ABCA1: variants seen among roughly 807,000 people sequenced by gnomAD.
ABCA1 encodes the protein phospholipid-transporting ATPase ABCA1.
In ABCA1, 133 loss-of-function variants were observed where a neutral mutation model predicts 262.5. That is an observed-to-expected ratio of 0.51 (90% CI 0.44 to 0.59). ABCA1 has a LOEUF of 0.59. Among genes scored for constraint, ABCA1 ranks in the 20% least tolerant of loss-of-function variants. ABCA1 has a pLI of 0.00. For synonymous variants in ABCA1, 1,022 were observed against 1,043.5 expected, an observed-to-expected ratio of 0.98 and a Z score of 0.40; for missense variants, 2,452 against 2,777.5, an observed-to-expected ratio of 0.88 and a Z score of 2.63.
intron 1 of ABCA1, among the ~76,000 whole-genome samples, chr9:104,922,538 A>G (rs933596635): frequency 6.6e-6 from 1 of 152,138 alleles, no homozygotes; most frequent in African/African-American, 2.4e-5. Flanking sequence ...CACCTATTTC[A>G]CTCATGAGAA....
intron 7 of ABCA1, among the ~76,000 whole-genome samples, chr9:104,851,799 A>G (rs1429630978): frequency 1.3e-5 from 2 of 152,262 alleles, no homozygotes; most frequent in Non-Finnish European, 2.9e-5. Flanking sequence ...ATTAGGGCTC[A>G]GTAAATGTTT....
chr9:104,837,902 T>C (rs936169956), intron 9 of ABCA1, among the ~76,000 whole-genome samples: 3 of 152,148 alleles, frequency 2.0e-5, no homozygotes, highest in African/African-American at 7.2e-5. Flanking sequence ...GCACAAGCCC[T>C]CCCATCCAGA....
chr9:104,819,468 A>T (rs2254884), intron 22 of ABCA1, 118 bp downstream of exon 22: 10 of 1,420,388 alleles, frequency 7.0e-6, no homozygotes, highest in Non-Finnish European at 8.9e-6. Flanking sequence ...CTCTTCTGTG[A>T]TAACAGAAGA....
intron 7 of ABCA1, among the ~76,000 whole-genome samples, chr9:104,847,919 G>A (rs1588394155): frequency 6.6e-6 from 1 of 152,118 alleles, no homozygotes; most frequent in East Asian, 1.9e-4. Context: ...ATGTCTATAT[G>A]TATAGACATA....
At chr9:104,866,472 C>T (rs760113366) in intron 5 of ABCA1, among the ~76,000 whole-genome samples, 1 of 151,702 alleles carries the variant, frequency 6.6e-6, no homozygotes, top group Non-Finnish European at 1.5e-5. Flanking sequence ...AGGTGGCCAG[C>T]CCTTTTTTGT....
At chr9:104,801,354 G>A (rs1830319478) in intron 34 of ABCA1, among the ~76,000 whole-genome samples, 1 of 151,696 alleles carries the variant, frequency 6.6e-6, no homozygotes, top group Non-Finnish European at 1.5e-5. Context: ...CGAGTAGCTG[G>A]GATTACAGGC....
chr9:104,862,701 G>GCCCCCCCCCCCCCCCC (rs1276134045), intron 5 of ABCA1, among the ~76,000 whole-genome samples: 1 of 1,816 alleles, frequency 5.5e-4, no homozygotes, highest in Non-Finnish European at 1.1e-3. Context: ...GGCCGGGCCG[G>GCCCCCCCCCCCCCCCC]CCCCCACCCC....
chr9:104,920,231 T>C (rs1047068950), intron 1 of ABCA1, among the ~76,000 whole-genome samples: 4 of 152,236 alleles, frequency 2.6e-5, no homozygotes, highest in African/African-American at 9.6e-5. Context: ...AGCCCATGTG[T>C]ATTTTTTCTG....
At chr9:104,814,401 G>T in intron 26 of ABCA1, 26 bp downstream of exon 26, 1 of 1,612,956 alleles carries the variant, frequency 6.2e-7, no homozygotes. Context: ...TATCTTAAGT[G>T]TGCCATTCTC....
At chr9:104,830,163 A>G (rs1304628119) in intron 14 of ABCA1, among the ~76,000 whole-genome samples, 1 of 152,210 alleles carries the variant, frequency 6.6e-6, no homozygotes, top group Non-Finnish European at 1.5e-5. Flanking sequence ...GCACTGAAAG[A>G]TTTTCTAAAA....
chr9:104,885,312 A>G (rs1839066658), intron 3 of ABCA1, among the ~76,000 whole-genome samples: 1 of 152,194 alleles, frequency 6.6e-6, no homozygotes. Context: ...CGTGACTGGG[A>G]GTAGAACCCC....
At chr9:104,840,775 C>T (rs765482300) in intron 8 of ABCA1, among the ~76,000 whole-genome samples, 9 of 152,134 alleles carry the variant, frequency 5.9e-5, no homozygotes, top group Non-Finnish European at 8.8e-5. Context: ...TTCTGAGACC[C>T]CTCTGCCGAC....
At chr9:104,820,149 G>C (rs1275521372) in intron 20 of ABCA1, 80 bp from the exon 21 acceptor site, 2 of 1,546,802 alleles carry the variant, frequency 1.3e-6, no homozygotes, top group Admixed American at 3.4e-5. Flanking sequence ...GAACAGATGA[G>C]AATGGGCATA....
chr9:104,807,580 C>T (rs995766419), intron 30 of ABCA1, among the ~76,000 whole-genome samples: 2 of 151,944 alleles, frequency 1.3e-5, no homozygotes, highest in Non-Finnish European at 2.9e-5. Flanking sequence ...CTTTGGGAGG[C>T]GAAGGCGGGT....
chr9:104,907,409 A>G (rs943982224), intron 1 of ABCA1, among the ~76,000 whole-genome samples: 8 of 152,182 alleles, frequency 5.3e-5, no homozygotes, highest in Non-Finnish European at 1.5e-5. Context: ...GTCAGAGCAG[A>G]GACCATTTCT....
chr9:104,915,260 T>C (rs1841774507), intron 1 of ABCA1, among the ~76,000 whole-genome samples: 2 of 152,258 alleles, frequency 1.3e-5, no homozygotes. Flanking sequence ...ATATGTCATG[T>C]GTGCAAGACA....
chr9:104,916,241 AT>A (rs1432805348), intron 1 of ABCA1, among the ~76,000 whole-genome samples: 1 of 152,248 alleles, frequency 6.6e-6, no homozygotes, highest in Non-Finnish European at 1.5e-5. Context: ...TTCACAGTTA[AT>A]TTTAAGCAGC....
chr9:104,858,571 G>A lies in ABCA1; in HGVS notation c.671C>T (p.Ala224Val), dbSNP rs917814829. 4 of 1,614,204 alleles carry A rather than the reference G, an allele frequency of 2.5e-6. No homozygotes were observed. The highest frequency in any genetic ancestry group is 1.7e-5 in the Admixed American group (1 of 60,022). ...LCGLPREKLA[A>V]AERVLRSNMD... is the part of the protein sequence containing the mutation. ...GTTGGAACGAAGTACTCGCTCTGCT[G>A]CAGCCAGTTTCTCCCTTGGTAGGCC... The change falls in exon 7 of 50, where the codon GCA becomes GTA. Residue 224 changes from alanine to valine, a missense_variant. Around this residue, in one of 4 missense-constraint regions of ABCA1, gnomAD observed 1,032 missense variants for 1,089.7 expected, o/e 0.95. Transcript: ENST00000374736.
intron 5 of ABCA1, among the ~76,000 whole-genome samples, chr9:104,872,258 C>T (rs951518498): frequency 3.9e-5 from 6 of 152,140 alleles, no homozygotes; most frequent in African/African-American, 1.4e-4. Flanking sequence ...GGTCATAGAA[C>T]AAACAAGTGG....
Sources: gnomAD v4.1 joint callset for allele counts (sites outside exome capture counted in the v4.1 genomes callset) on GRCh38, gnomAD v4.1.1 for gene constraint, gnomAD v4.1.1 regional missense constraint, MANE v1.5 for transcripts, NCBI Gene and HGNC (gene_info 2026-07-23, HGNC 2026-07-21) for gene names.